The following APBB1IP variants were observed in gnomAD, a reference collection of about 807,000 sequenced individuals.
The protein encoded by APBB1IP is amyloid beta A4 precursor protein-binding family B member 1-interacting protein.
A neutral mutation model predicts 64.9 loss-of-function variants in APBB1IP; 27 were observed. The ratio of observed to expected loss-of-function variants is 0.42; its 90% CI spans 0.31 to 0.57. APBB1IP has a LOEUF of 0.57. APBB1IP is among the 20% of genes least tolerant of loss of function. The probability of loss-of-function intolerance (pLI) is 0.20; values close to 1 mark genes in which losing one functional copy is unlikely to be tolerated. For missense variants in APBB1IP, 812 were observed against 845.5 expected, an observed-to-expected ratio of 0.96 and a Z score of 0.49; for synonymous variants, 392 against 331.0, an observed-to-expected ratio of 1.18 and a Z score of -2.00.
chr10:26,527,267 G>A (rs1000659734), intron 8 of APBB1IP, among the ~76,000 whole-genome samples: 7 of 152,154 alleles, frequency 4.6e-5, no homozygotes, highest in Non-Finnish European at 1.0e-4. Context: ...AACCTTAGAG[G>A]CCAGGCATGG....
intron 2 of APBB1IP, among the ~76,000 whole-genome samples, chr10:26,485,539 A>G (rs1160714651): frequency 6.6e-6 from 1 of 152,244 alleles, no homozygotes; most frequent in Non-Finnish European, 1.5e-5. Context: ...AAGAGATTCT[A>G]TAACGATAAC....
chr10:26,552,699 T>C (rs12268655), intron 11 of APBB1IP, among the ~76,000 whole-genome samples: 1,696 of 152,140 alleles, frequency 0.011, 44 homozygotes, highest in African/African-American at 0.039. Flanking sequence ...GTTTACTTCC[T>C]GTTTACTTCT....
chr10:26,439,634 G>A (rs1362039900), intron 2 of APBB1IP, among the ~76,000 whole-genome samples: 1 of 136,526 alleles, frequency 7.3e-6, no homozygotes, highest in African/African-American at 2.6e-5. Flanking sequence ...TCATACCCCT[G>A]TGGAACGTGA....
rs151299762 is a variant in APBB1IP, at chr10:26,502,440, G to A, written c.454-757G>A. Among the ~76,000 whole-genome samples the A allele has an allele frequency of 5.1e-3, 780 of 152,280 alleles. 8 individuals carry two copies. Among genetic ancestry groups the A allele is most frequent in the African/African-American group, 0.018 (756 of 41,552 alleles). ...ACGGGTCATGAGGTCAGGAGATGGA[G>A]ACAATCCAGGCTAACACCGTGAAAC... On this transcript the variant is annotated intron_variant, in intron 5 of 14. Coordinates refer to ENST00000376236, the MANE Select transcript of APBB1IP (RefSeq NM_019043.4).
chr10:26,511,890 C>T lies in APBB1IP; in HGVS notation c.675C>T (p.Tyr225=), dbSNP rs1836265627. ...TAGACTGGTGTCTTTATGAAATCTACCCGGAACTACAAATTGGTAAGTCCC... is the reference window on the plus strand; with the variant it reads ...TAGACTGGTGTCTTTATGAAATCTATCCGGAACTACAAATTGGTAAGTCCC... ...CNVDWCLYEI[Y]PELQIERFFE... The change falls in exon 7 of 15, where the codon TAC becomes TAT. Residue 225 remains tyrosine, a synonymous_variant. Coordinates refer to ENST00000376236, the MANE Select transcript of APBB1IP (RefSeq NM_019043.4). The T allele has an allele frequency of 6.2e-7, 1 of 1,614,188 alleles. No homozygotes were observed. Among genetic ancestry groups the T allele is most frequent in the Non-Finnish European group, 8.5e-7 (1 of 1,180,030 alleles).
chr10:26,491,785 G>A (rs1263201853), intron 2 of APBB1IP, among the ~76,000 whole-genome samples: 26 of 125,048 alleles, frequency 2.1e-4, no homozygotes, highest in Admixed American at 1.4e-3. Context: ...TTTTGGAGAC[G>A]GAGTCTCACT....
At chr10:26,538,892 C>T (rs1291331023) in intron 10 of APBB1IP, among the ~76,000 whole-genome samples, 1 of 152,056 alleles carries the variant, frequency 6.6e-6, no homozygotes, top group Non-Finnish European at 1.5e-5. Context: ...ATAAAAACAG[C>T]ACAGCTAGAG....
At chr10:26,548,687 T>C (rs1303525922) in intron 11 of APBB1IP, among the ~76,000 whole-genome samples, 2 of 152,202 alleles carry the variant, frequency 1.3e-5, no homozygotes, top group African/African-American at 4.8e-5. Context: ...TGTATGCCGA[T>C]TTTCTATCGT....
At chr10:26,504,547 T>C (rs1042488710) in intron 6 of APBB1IP, among the ~76,000 whole-genome samples, 2 of 151,934 alleles carry the variant, frequency 1.3e-5, no homozygotes, top group Admixed American at 1.3e-4. Context: ...CTGTCTATAC[T>C]AAAAGTACAA....
At chr10:26,474,965 A>G (rs1835758796) in intron 2 of APBB1IP, among the ~76,000 whole-genome samples, 1 of 152,242 alleles carries the variant, frequency 6.6e-6, no homozygotes, top group African/African-American at 2.4e-5. Context: ...AAACGCCATC[A>G]TGTCTATGAA....
At chr10:26,460,125 A>G (rs943747686) in intron 2 of APBB1IP, among the ~76,000 whole-genome samples, 1 of 152,214 alleles carries the variant, frequency 6.6e-6, no homozygotes, top group African/African-American at 2.4e-5. Context: ...AAAGAAAATA[A>G]TTAGCTGATG....
At chr10:26,467,074 G>GT (rs953899202) in intron 2 of APBB1IP, among the ~76,000 whole-genome samples, 24 of 151,120 alleles carry the variant, frequency 1.6e-4, no homozygotes, top group Admixed American at 4.6e-4. Context: ...CATTTGTAAT[G>GT]TTTTTTTTTA....
At chr10:26,489,810 A>T (rs532576166) in intron 2 of APBB1IP, among the ~76,000 whole-genome samples, 28 of 152,336 alleles carry the variant, frequency 1.8e-4, no homozygotes, top group Admixed American at 1.4e-3. Context: ...GGATCACTTG[A>T]GGTCAGGAGT....
chr10:26,566,832 A>T, intron 14 of APBB1IP, 129 bp from the exon 15 acceptor site: 1 of 1,035,634 alleles, frequency 9.7e-7, no homozygotes, highest in Non-Finnish European at 1.3e-6. Context: ...AGGCTGCAGT[A>T]AGTCCAGATC....
chr10:26,481,255 A>T (rs181449144), intron 2 of APBB1IP, among the ~76,000 whole-genome samples: 2 of 152,204 alleles, frequency 1.3e-5, no homozygotes, highest in East Asian at 3.9e-4. Context: ...CTTGCACTTG[A>T]GTCCTGGGGA....
chr10:26,540,331 T>C (rs1450643183), intron 10 of APBB1IP, among the ~76,000 whole-genome samples: 1 of 151,992 alleles, frequency 6.6e-6, no homozygotes, highest in African/African-American at 2.4e-5. Context: ...TCCCAACAGT[T>C]TGGAAGGCCA....
intron 2 of APBB1IP, among the ~76,000 whole-genome samples, chr10:26,471,574 A>G (rs769916499): frequency 7.9e-5 from 12 of 152,198 alleles, no homozygotes; most frequent in Admixed American, 2.0e-4. Context: ...TTTCTATGGT[A>G]TGGATCACCC....
rs7917389 is a variant in APBB1IP, at chr10:26,540,083, C to T, written c.1045-1499C>T. On this transcript the variant is annotated intron_variant, in intron 10 of 14. Coordinates refer to ENST00000376236, the MANE Select transcript of APBB1IP (RefSeq NM_019043.4). ...TTTCAAATGGCAACTCCATGCTTGA[C>T]GAATCTATCTCACAAAAATATAAGC... Among the ~76,000 whole-genome samples, 967 of 152,222 alleles carry T rather than the reference C, an allele frequency of 6.4e-3. 6 individuals carry two copies. Among genetic ancestry groups the T allele is most frequent in the African/African-American group, 0.021 (879 of 41,532 alleles).
In APBB1IP at chr10:26,567,200, GC is replaced by G; in HGVS notation, c.1718del (p.Pro573ArgfsTer83). The G allele has an allele frequency of 9.6e-6, 13 of 1,359,334 alleles. No individual in the cohort carries two copies. The highest frequency in any genetic ancestry group is 6.1e-5 in the South Asian group (4 of 65,428). The allele number at this position is 1,359,334 out of a possible 1,614,324, so 84.2% of individuals were successfully genotyped here. A position where few individuals can be genotyped will look rare whatever the true frequency, so the allele number is the denominator to read the frequency against. On this transcript the variant is annotated frameshift_variant, in exon 15 of 15. Transcript: ENST00000376236. LOFTEE classifies it low-confidence loss of function (END_TRUNC). The part of the protein sequence containing the change: ...PLDDPELPPP[P>X]PDFMEPPPDF... The stretch of plus-strand genomic sequence containing the variant: ...TCGATGACCCTGAGCTCCCGCCGCC[GC>G]CCCCGGACTTCATGGAGCCGCCCCC...
Sources: allele counts gnomAD v4.1 joint callset (sites outside exome capture counted in the v4.1 genomes callset), GRCh38; gene constraint gnomAD v4.1.1; transcripts MANE v1.5; gene names NCBI Gene and HGNC (gene_info 2026-07-23, HGNC 2026-07-21).